The following DGKB variants were observed in gnomAD, a reference collection of about 807,000 sequenced individuals.
DGKB encodes diacylglycerol kinase beta, also known as 90 kDa diacylglycerol kinase.
DGKB carries 67 observed loss-of-function variants against 114.3 expected under a neutral mutation model. The ratio of observed to expected loss-of-function variants is 0.59; its 90% CI spans 0.48 to 0.72. The LOEUF (loss-of-function observed/expected upper bound fraction) is 0.72. DGKB is among the 30% of genes least tolerant of loss of function. The pLI, the probability that DGKB is intolerant of heterozygous loss-of-function variation, is 0.00. For synonymous variants in DGKB, 398 were observed against 323.1 expected, an observed-to-expected ratio of 1.23 and a Z score of -2.49; for missense variants, 907 against 975.2, an observed-to-expected ratio of 0.93 and a Z score of 0.93.
intron 20 of DGKB, among the ~76,000 whole-genome samples, chr7:14,504,961 C>T (rs1188202706): frequency 6.6e-6 from 1 of 152,086 alleles, no homozygotes; most frequent in Non-Finnish European, 1.5e-5. Context: ...TCCAAATCCT[C>T]AAAGGAACAA....
chr7:14,168,588 G>A (rs535067475), intron 25 of DGKB, among the ~76,000 whole-genome samples: 2 of 152,328 alleles, frequency 1.3e-5, no homozygotes, highest in African/African-American at 2.4e-5. Flanking sequence ...ATTACATATT[G>A]CAAAGCAATG....
At chr7:14,184,518 C>T (rs1192003222) in intron 23 of DGKB, among the ~76,000 whole-genome samples, 1 of 152,050 alleles carries the variant, frequency 6.6e-6, no homozygotes, top group African/African-American at 2.4e-5. Flanking sequence ...CCCCCACTTC[C>T]CTGACAACCT....
At chr7:14,541,852 A>AT (rs1216070772) in intron 20 of DGKB, among the ~76,000 whole-genome samples, 40 of 152,218 alleles carry the variant, frequency 2.6e-4, no homozygotes, top group African/African-American at 9.4e-4. Context: ...TTCAATTTCA[A>AT]TGCCAAATTC....
At chr7:14,170,574 T>C (rs1008729412) in intron 25 of DGKB, among the ~76,000 whole-genome samples, 15 of 152,322 alleles carry the variant, frequency 9.8e-5, no homozygotes, top group African/African-American at 2.4e-4. Context: ...TGCTGGGTCT[T>C]GAAAAACTTA....
At chr7:14,443,990 T>G (rs1205661429) in intron 21 of DGKB, among the ~76,000 whole-genome samples, 1 of 151,960 alleles carries the variant, frequency 6.6e-6, no homozygotes, top group Non-Finnish European at 1.5e-5. Flanking sequence ...TTACTCTATC[T>G]TCTGTTTCAT....
intron 20 of DGKB, among the ~76,000 whole-genome samples, chr7:14,573,874 T>G (rs947670108): frequency 1.1e-4 from 16 of 152,106 alleles, no homozygotes; most frequent in Non-Finnish European, 2.9e-5. Flanking sequence ...TTCAATAATA[T>G]GGAGTTTTAG....
chr7:14,725,967 T>C (rs1446076258), intron 5 of DGKB, among the ~76,000 whole-genome samples: 1 of 152,180 alleles, frequency 6.6e-6, no homozygotes, highest in Non-Finnish European at 1.5e-5. Flanking sequence ...CACAATACTA[T>C]TTCAAATGAA....
intron 8 of DGKB, 45 bp downstream of exon 8, chr7:14,698,049 AG>A: frequency 1.0e-6 from 1 of 954,668 alleles, no homozygotes; most frequent in South Asian, 1.4e-5. Context: ...AGAAAGAAAG[AG>A]GCCTTCCAGA....
At chr7:14,607,345 A>T (rs2128780356) in intron 17 of DGKB, 89 bp downstream of exon 17, 1 of 727,978 alleles carries the variant, frequency 1.4e-6, no homozygotes, top group Non-Finnish European at 2.4e-6. Context: ...GCTGTGTTCA[A>T]ATAACATTAT....
chr7:14,897,418 G>C (rs1434489567), intron 1 of DGKB, among the ~76,000 whole-genome samples: 1 of 151,804 alleles, frequency 6.6e-6, no homozygotes, highest in Non-Finnish European at 1.5e-5. Context: ...CTATTTATGA[G>C]CTATGATTGA....
intron 1 of DGKB, among the ~76,000 whole-genome samples, chr7:14,926,652 C>A (rs1280634374): frequency 6.6e-6 from 1 of 151,378 alleles, no homozygotes; most frequent in Non-Finnish European, 1.5e-5. Flanking sequence ...GTGCTGCTGT[C>A]TCATATTCTC....
Position 14,700,544 on chromosome 7 carries a change from G to A in DGKB, c.516+1137C>T, listed in dbSNP as rs78775627. On this transcript the variant is annotated intron_variant, in intron 7 of 25. Coordinates refer to ENST00000402815, the MANE Select transcript of DGKB (RefSeq NM_001350709.2). The stretch of plus-strand genomic sequence containing the variant: ...ATTTGAAAAATTACTGAGACTTACA[G>A]ATAATAAATCCCACAATCACAGCAT... 5.3e-3 allele frequency among the ~76,000 whole-genome samples: 803 copies of A among 152,206 alleles called. 5 individuals are homozygous for A. The highest frequency in any genetic ancestry group is 0.018 in the African/African-American group (746 of 41,526).
chr7:14,523,668 T>C (rs941920770), intron 20 of DGKB, among the ~76,000 whole-genome samples: 5 of 152,120 alleles, frequency 3.3e-5, no homozygotes, highest in Admixed American at 6.6e-5. Context: ...CAAACGTATA[T>C]AATACAATGT....
At chr7:14,889,327 A>G (rs1307959221) in intron 1 of DGKB, among the ~76,000 whole-genome samples, 1 of 151,668 alleles carries the variant, frequency 6.6e-6, no homozygotes, top group Non-Finnish European at 1.5e-5. Flanking sequence ...GAATATGGGA[A>G]TTTGATCTCT....
At chr7:14,241,143 A>G (rs1264840356) in intron 23 of DGKB, among the ~76,000 whole-genome samples, 4 of 152,178 alleles carry the variant, frequency 2.6e-5, no homozygotes, top group Admixed American at 2.6e-4. Flanking sequence ...CATCTAACCT[A>G]GCCCCATGGG....
intron 20 of DGKB, among the ~76,000 whole-genome samples, chr7:14,516,458 G>A (rs766172816): frequency 2.6e-5 from 4 of 152,120 alleles, no homozygotes; most frequent in Non-Finnish European, 5.9e-5. Context: ...GATCTGATCT[G>A]GAATAAGCCA....
intron 23 of DGKB, among the ~76,000 whole-genome samples, chr7:14,217,943 C>A (rs1182142149): frequency 6.6e-6 from 1 of 152,074 alleles, no homozygotes; most frequent in Non-Finnish European, 1.5e-5. Flanking sequence ...ATAATAAATA[C>A]CTTTGTAAAT....
rs1316447774 is a variant in DGKB, at chr7:14,698,574, A to G, written c.517-405T>C. On this transcript the variant is annotated intron_variant, in intron 7 of 25. Transcript: ENST00000402815. Reference sequence around the variant, plus strand: ...TCATTTGAGGACAACTGAGAAGTCTATTTTTATCTTGATACACTGAGAATA... The same window carrying G: ...TCATTTGAGGACAACTGAGAAGTCTGTTTTTATCTTGATACACTGAGAATA... Among the ~76,000 whole-genome samples the G allele has an allele frequency of 3.9e-5, 6 of 152,088 alleles. No homozygotes were observed. The East Asian group carries it at 9.6e-4, about 24-fold the overall frequency.
At chr7:14,525,280 T>A (rs1266958484) in intron 20 of DGKB, among the ~76,000 whole-genome samples, 1 of 152,218 alleles carries the variant, frequency 6.6e-6, no homozygotes, top group Non-Finnish European at 1.5e-5. Context: ...CCTATTCCAG[T>A]TGAAAACTTC....
Sources: gnomAD v4.1 joint callset for allele counts (sites outside exome capture counted in the v4.1 genomes callset) on GRCh38, gnomAD v4.1.1 for gene constraint, MANE v1.5 for transcripts, NCBI Gene and HGNC (gene_info 2026-07-23, HGNC 2026-07-21) for gene names.